Variants in SUZ12 observed in about 807,000 individuals in gnomAD.
SUZ12 encodes SUZ12 polycomb repressive complex 2 subunit, also known as polycomb protein SUZ12.
SUZ12 carries 17 observed loss-of-function variants against 87.3 expected under a neutral mutation model. The observed-to-expected ratio is 0.19, with a 90% confidence interval of 0.13 to 0.29. The LOEUF (loss-of-function observed/expected upper bound fraction) is 0.29. SUZ12 is among the 10% of genes least tolerant of loss of function. The pLI is 1.00. For synonymous variants in SUZ12, 253 were observed against 312.4 expected, an observed-to-expected ratio of 0.81 and a Z score of 2.01; for missense variants, 526 against 912.2, an observed-to-expected ratio of 0.58 and a Z score of 5.45.
intron 10 of SUZ12, among the ~76,000 whole-genome samples, chr17:31,991,095 T>A (rs1567837449): frequency 6.6e-6 from 1 of 152,210 alleles, no homozygotes; most frequent in African/African-American, 2.4e-5. Context: ...GTCCTTGACC[T>A]GAGAGAGCAC....
At chr17:31,977,436 C>G (rs1041873914) in intron 8 of SUZ12, among the ~76,000 whole-genome samples, 2 of 152,074 alleles carry the variant, frequency 1.3e-5, no homozygotes, top group Non-Finnish European at 2.9e-5. Context: ...CGTGCCACCA[C>G]GCCCAGCTAA....
intron 3 of SUZ12, among the ~76,000 whole-genome samples, chr17:31,947,342 AG>A (rs1307246694): frequency 6.6e-6 from 1 of 152,168 alleles, no homozygotes; most frequent in Non-Finnish European, 1.5e-5. Flanking sequence ...ATATAAACCA[AG>A]TACCATGGGT....
intron 5 of SUZ12, chr17:31,967,012 A>G (rs1908132454): frequency 6.6e-6 from 1 of 151,810 alleles, no homozygotes; most frequent in Non-Finnish European, 1.5e-5. Flanking sequence ...TCAGCTGGCC[A>G]ATATGATGAA....
At chr17:31,982,636 G>A (rs1055734393) in intron 8 of SUZ12, among the ~76,000 whole-genome samples, 18 of 152,152 alleles carry the variant, frequency 1.2e-4, no homozygotes, top group African/African-American at 4.3e-4. Context: ...TCCAGCCTGG[G>A]TTGCAACAGA....
chr17:31,943,155 T>C (rs1351406197), intron 3 of SUZ12, among the ~76,000 whole-genome samples: 1 of 152,222 alleles, frequency 6.6e-6, no homozygotes, highest in East Asian at 1.9e-4. Context: ...AGCACCTAAG[T>C]AACTAAAAAG....
chr17:31,969,066 C>T (rs1908262392), intron 5 of SUZ12, among the ~76,000 whole-genome samples: 2 of 152,178 alleles, frequency 1.3e-5, no homozygotes, highest in Admixed American at 6.6e-5. Context: ...CAGCCTCTGC[C>T]TCCAGGTTCA....
intron 9 of SUZ12, among the ~76,000 whole-genome samples, chr17:31,984,486 G>A (rs1037368733): frequency 2.6e-5 from 4 of 152,106 alleles, no homozygotes; most frequent in African/African-American, 9.7e-5. Context: ...AAGTAAGAAA[G>A]CATAAAGTAA....
intron 10 of SUZ12, among the ~76,000 whole-genome samples, chr17:31,989,844 T>G (rs999543347): frequency 2.0e-5 from 3 of 150,986 alleles, no homozygotes; most frequent in Non-Finnish European, 3.0e-5. Flanking sequence ...CTCCTGACCT[T>G]GTGATCCGCC....
intron 4 of SUZ12, among the ~76,000 whole-genome samples, chr17:31,953,691 A>C (rs1907119344): frequency 6.7e-6 from 1 of 149,198 alleles, no homozygotes; most frequent in Non-Finnish European, 1.5e-5. Context: ...TACAGGAATG[A>C]GCCCGCATGC....
intron 14 of SUZ12, among the ~76,000 whole-genome samples, chr17:31,996,178 C>T (rs1404718615): frequency 6.6e-6 from 1 of 152,108 alleles, no homozygotes; most frequent in Non-Finnish European, 1.5e-5. Flanking sequence ...CCACTGCACT[C>T]CAGCCTGGGT....
At chr17:31,984,650 A>G (rs907669051) in intron 9 of SUZ12, among the ~76,000 whole-genome samples, 6 of 152,230 alleles carry the variant, frequency 3.9e-5, no homozygotes, top group African/African-American at 7.2e-5. Flanking sequence ...GCAGTCTAAT[A>G]AGAAATATGT....
intron 4 of SUZ12, among the ~76,000 whole-genome samples, chr17:31,962,506 G>A (rs1464288728): frequency 2.6e-5 from 4 of 152,258 alleles, no homozygotes; most frequent in East Asian, 1.9e-4. Flanking sequence ...TGGGAGAATC[G>A]TTTGAGCCTG....
At position 31,948,903 on chromosome 17, in the gene SUZ12, T is replaced by C. The variant is rs143432679; in HGVS notation, c.455+1218T>C. Among the ~76,000 whole-genome samples the C allele has an allele frequency of 2.0e-5, 3 of 152,342 alleles. No homozygotes were observed. The East Asian group carries it at 5.8e-4, about 29-fold the overall frequency. ...GCACATTTTTCTTTACTAGAATTTA[T>C]ATTCCAGATTCTTGTCTGGTCACCC... On this transcript the variant is annotated intron_variant, in intron 4 of 15. Coordinates refer to ENST00000322652, the MANE Select transcript of SUZ12 (RefSeq NM_015355.4).
At chr17:31,982,226 G>A (rs149754111) in intron 8 of SUZ12, among the ~76,000 whole-genome samples, 2,682 of 152,222 alleles carry the variant, frequency 0.018, 74 homozygotes, top group African/African-American at 0.06. Context: ...TACCAGATTC[G>A]TCATTATAAT....
intron 5 of SUZ12, among the ~76,000 whole-genome samples, chr17:31,972,345 GTATA>G (rs758312683): frequency 6.8e-6 from 1 of 147,140 alleles, no homozygotes; most frequent in African/African-American, 2.5e-5. Context: ...ATATATATGT[GTATA>G]TATATATATG....
intron 4 of SUZ12, among the ~76,000 whole-genome samples, chr17:31,958,564 T>C (rs1907509243): frequency 6.6e-6 from 1 of 151,606 alleles, no homozygotes; most frequent in South Asian, 2.1e-4. Flanking sequence ...TCCAAAAAAT[T>C]AGGCCAGGTG....
intron 4 of SUZ12, among the ~76,000 whole-genome samples, chr17:31,957,244 T>G (rs1024758603): frequency 6.6e-6 from 1 of 151,792 alleles, no homozygotes; most frequent in Non-Finnish European, 1.5e-5. Flanking sequence ...TTTTTGTTTT[T>G]TTTTTTTCTC....
At chr17:31,995,892 C>T in intron 14 of SUZ12, 130 bp downstream of exon 14, 1 of 752,768 alleles carries the variant, frequency 1.3e-6, no homozygotes, top group Non-Finnish European at 2.1e-6. Context: ...CGGAAATGTA[C>T]AGGTTTTAAA....
At chr17:31,992,910 T>C (rs1909794318) in intron 10 of SUZ12, among the ~76,000 whole-genome samples, 1 of 151,872 alleles carries the variant, frequency 6.6e-6, no homozygotes, top group Non-Finnish European at 1.5e-5. Context: ...TTTTGCCACG[T>C]TGGGCAGGCT....
Sources: allele counts gnomAD v4.1 joint callset (sites outside exome capture counted in the v4.1 genomes callset), GRCh38; gene constraint gnomAD v4.1.1; transcripts MANE v1.5; gene names NCBI Gene and HGNC (gene_info 2026-07-23, HGNC 2026-07-21).